MAP7D2: variants seen among roughly 807,000 people sequenced by gnomAD.
The protein encoded by MAP7D2 is MAP7 domain-containing protein 2.
Under a neutral mutation model 63.5 loss-of-function variants are expected in MAP7D2, and 33 were observed. The observed-to-expected ratio is 0.52, with a 90% CI of 0.39 to 0.70. MAP7D2 has a LOEUF of 0.70. Among genes scored for constraint, MAP7D2 ranks in the 30% least tolerant of loss-of-function variants. MAP7D2 has a pLI of 0.00. For synonymous variants in MAP7D2, 224 were observed against 223.7 expected (o/e 1.00, Z -0.01); for missense variants, 626 against 604.0 (o/e 1.04, Z -0.38).
At chrX:20,046,541 TCCTCTA>T (rs2064803701) in intron 6 of MAP7D2, among the ~76,000 whole-genome samples, 1 of 112,355 alleles carries the variant, frequency 8.9e-6, no homozygotes. Context: ...TGACTATATT[TCCTCTA>T]CCTTTCTCTC....
At chrX:20,024,377 G>A (rs922589802) in intron 10 of MAP7D2, among the ~76,000 whole-genome samples, 1 of 111,443 alleles carries the variant, frequency 9.0e-6, no homozygotes, top group Non-Finnish European at 1.9e-5. Context: ...AAGGTGTAGG[G>A]ACCACTGCAA....
intron 3 of MAP7D2, among the ~76,000 whole-genome samples, chrX:20,059,686 A>G (rs1264348982): frequency 7.5e-5 from 8 of 106,561 alleles, no homozygotes; most frequent in Non-Finnish European, 1.4e-4. Context: ...AAAGACAGGA[A>G]GGAAGAAAGG....
At chrX:20,072,625 G>A (rs765176891) in intron 1 of MAP7D2, among the ~76,000 whole-genome samples, 1 of 111,310 alleles carries the variant, frequency 9.0e-6, no homozygotes, top group African/African-American at 3.3e-5. Flanking sequence ...TCCCACCCAC[G>A]TTGAGGGTGG....
chrX:20,060,429 AGAG>A (rs1453911678), intron 3 of MAP7D2, among the ~76,000 whole-genome samples: 2 of 57,224 alleles, frequency 3.5e-5, no homozygotes, highest in African/African-American at 1.7e-4. Context: ...AGAGAGAGAG[AGAG>A]AGAAAGAAAG....
At chrX:20,082,075 C>A (rs1261599045) in intron 1 of MAP7D2, among the ~76,000 whole-genome samples, 1 of 112,267 alleles carries the variant, frequency 8.9e-6, no homozygotes, top group Non-Finnish European at 1.9e-5. Context: ...CCCAGTTACA[C>A]CACTGAGTCC....
chrX:20,091,871 T>C (rs2066079278), intron 1 of MAP7D2, among the ~76,000 whole-genome samples: 1 of 112,036 alleles, frequency 8.9e-6, no homozygotes, highest in African/African-American at 3.2e-5. Flanking sequence ...AGGTTATTTG[T>C]TTTGAGCAAG....
chrX:20,068,181 C>CTA (rs1398024156), intron 1 of MAP7D2, among the ~76,000 whole-genome samples: 1 of 112,231 alleles, frequency 8.9e-6, no homozygotes, highest in Non-Finnish European at 1.9e-5. Flanking sequence ...TAGCCATGAG[C>CTA]TATACATGGC....
intron 1 of MAP7D2, among the ~76,000 whole-genome samples, chrX:20,068,401 A>G (rs2043149631): frequency 1.8e-5 from 2 of 112,168 alleles, no homozygotes; most frequent in South Asian, 7.4e-4. Flanking sequence ...GTCGGGATTG[A>G]GATTTACTGG....
chrX:20,076,562 C>T (rs924717395), intron 1 of MAP7D2, among the ~76,000 whole-genome samples: 3 of 109,883 alleles, frequency 2.7e-5, no homozygotes, highest in African/African-American at 1.0e-4. Context: ...AAAAATTAGG[C>T]GTGGTGGCGT....
chrX:20,114,052 G>A (rs1034794561), intron 1 of MAP7D2, among the ~76,000 whole-genome samples: 12 of 110,814 alleles, frequency 1.1e-4, no homozygotes, highest in Non-Finnish European at 1.5e-4. Context: ...TTTTTCTTTC[G>A]AGACGGAGTC....
At chrX:20,035,908 G>A (rs1213445928) in intron 8 of MAP7D2, among the ~76,000 whole-genome samples, 3 of 87,595 alleles carry the variant, frequency 3.4e-5, no homozygotes, top group Non-Finnish European at 6.6e-5. Flanking sequence ...GCAAGACTCC[G>A]TCTCAAAAAA....
At chrX:20,049,311 A>T (rs2064883495) in intron 6 of MAP7D2, among the ~76,000 whole-genome samples, 1 of 94,682 alleles carries the variant, frequency 1.1e-5, no homozygotes, top group Admixed American at 1.3e-4. Flanking sequence ...TCGCTGTGTC[A>T]CCCAAGCTGG....
intron 1 of MAP7D2, among the ~76,000 whole-genome samples, chrX:20,104,160 A>T (rs2066506471): frequency 8.9e-6 from 1 of 112,467 alleles, no homozygotes; most frequent in African/African-American, 3.2e-5. Flanking sequence ...AGAAGCAATT[A>T]TTCTTCAGAA....
At chrX:20,115,380 A>G (rs1486253543) in intron 1 of MAP7D2, among the ~76,000 whole-genome samples, 1 of 110,927 alleles carries the variant, frequency 9.0e-6, no homozygotes, top group Non-Finnish European at 1.9e-5. Context: ...TCTCAACCAA[A>G]TAAAAATGCA....
intron 1 of MAP7D2, among the ~76,000 whole-genome samples, chrX:20,083,420 G>C (rs770627230): frequency 8.9e-6 from 1 of 111,770 alleles, no homozygotes; most frequent in South Asian, 3.8e-4. Context: ...AGTATGGATG[G>C]TACCTGGGCT....
At chrX:20,018,329 C>T (rs1042638259) in intron 10 of MAP7D2, among the ~76,000 whole-genome samples, 11 of 110,099 alleles carry the variant, frequency 1.0e-4, no homozygotes, top group African/African-American at 3.3e-4. Flanking sequence ...GTAAGAACAT[C>T]CTTATGGCCC....
chrX:20,010,885 A>T lies in MAP7D2; in HGVS notation c.2240T>A (p.Leu747His). ...GTTTTTGTTACAGTCGTCCAGGCTG[A>T]GATTTTCACTGGATCTCTTGGGGAA... ...PTFPKRSSENLSLDDCNKNLI... is the reference protein window; with the variant it reads ...PTFPKRSSENHSLDDCNKNLI... The change falls in exon 16 of 17, where the codon CTC (leucine) becomes CAC (histidine). Residue 747 changes from leucine to histidine, a missense_variant. Coordinates refer to ENST00000379643, the MANE Select transcript of MAP7D2 (RefSeq NM_001168465.2). 8.3e-7 allele frequency: 1 copy of T among 1,211,374 alleles called. No homozygotes were observed. The highest frequency in any genetic ancestry group is 1.1e-6 in the Non-Finnish European group (1 of 895,367).
chrX:20,054,522 T>G (rs2065024506), intron 4 of MAP7D2, among the ~76,000 whole-genome samples: 1 of 111,533 alleles, frequency 9.0e-6, no homozygotes, highest in South Asian at 3.9e-4. Flanking sequence ...TGCACTCATT[T>G]CACCCTGGCC....
intron 7 of MAP7D2, among the ~76,000 whole-genome samples, chrX:20,042,992 G>C (rs757697985): frequency 8.9e-6 from 1 of 112,077 alleles, no homozygotes; most frequent in East Asian, 2.8e-4. Flanking sequence ...ATCCAAGACA[G>C]TGAGCTGTGG....
Sources: gnomAD v4.1 joint callset for allele counts (sites outside exome capture counted in the v4.1 genomes callset) on GRCh38, gnomAD v4.1.1 for gene constraint, MANE v1.5 for transcripts, NCBI Gene and HGNC (gene_info 2026-07-23, HGNC 2026-07-21) for gene names.